Variants in EIF4G3 observed in about 807,000 individuals in gnomAD.
The protein encoded by EIF4G3 is eukaryotic translation initiation factor 4 gamma 3.
In EIF4G3, 34 loss-of-function variants were observed where a neutral mutation model predicts 186.4. The observed-to-expected ratio is 0.18, with a 90% confidence interval of 0.14 to 0.24. EIF4G3 has a LOEUF of 0.24. Ranked by LOEUF, EIF4G3 falls within the 10% of genes least tolerant of loss-of-function variation. EIF4G3 has a pLI of 1.00. For missense variants in EIF4G3, 1,536 were observed against 1,948.5 expected, an observed-to-expected ratio of 0.79 and a Z score of 3.99; for synonymous variants, 673 against 679.5, an observed-to-expected ratio of 0.99 and a Z score of 0.15.
intron 6 of EIF4G3, 81 bp from the exon 7 acceptor site, chr1:20,997,714 C>T (rs1469581966): frequency 7.2e-6 from 8 of 1,111,032 alleles, no homozygotes; most frequent in Admixed American, 3.1e-5. Flanking sequence ...AAATTTCACA[C>T]AATATGCCAA....
At chr1:21,111,305 G>A (rs1572710911) in intron 2 of EIF4G3, 2 of 471,120 alleles carry the variant, frequency 4.2e-6, no homozygotes, top group South Asian at 1.5e-5. Context: ...TCCTAGATTC[G>A]TTTGCCAGCT....
chr1:20,886,319 C>T lies in EIF4G3; in HGVS notation c.2306G>A (p.Arg769Lys). The change falls in exon 19 of 37, where the codon AGA becomes AAA. Residue 769 changes from arginine to lysine, a missense_variant. Around this residue, in one of 11 missense-constraint regions of EIF4G3, gnomAD observed 139 missense variants for 192.8 expected, o/e 0.72. Coordinates refer to ENST00000602326, the MANE Select transcript of EIF4G3 (RefSeq NM_001391906.1). ...RSQPGQRREP[R>K]KIITVSVKED... ...TTTTACAGAAACTGTGATGATCTTTCTGGGTTCTCTTCTTTGGCCAGGTTG... is the reference window on the plus strand; with the variant it reads ...TTTTACAGAAACTGTGATGATCTTTTTGGGTTCTCTTCTTTGGCCAGGTTG... 6.2e-7 allele frequency: 1 copy of T among 1,613,872 alleles called. No homozygotes were observed. Among genetic ancestry groups the T allele is most frequent in the Non-Finnish European group, 8.5e-7 (1 of 1,179,950 alleles).
intron 3 of EIF4G3, among the ~76,000 whole-genome samples, chr1:21,085,243 TAATTA>T (rs1237088472): frequency 2.6e-5 from 4 of 152,216 alleles, no homozygotes; most frequent in Non-Finnish European, 5.9e-5. Flanking sequence ...TTAAAAATAA[TAATTA>T]AATGGTGAAA....
chr1:20,963,608 G>T (rs2073945061), intron 12 of EIF4G3, among the ~76,000 whole-genome samples: 1 of 152,004 alleles, frequency 6.6e-6, no homozygotes, highest in African/African-American at 2.4e-5. Context: ...TAGAAGCAGG[G>T]GGGAAAAAGA....
At chr1:21,048,419 G>C (rs1425957325) in intron 4 of EIF4G3, among the ~76,000 whole-genome samples, 2 of 152,098 alleles carry the variant, frequency 1.3e-5, no homozygotes, top group Non-Finnish European at 2.9e-5. Context: ...GTCAGTAGAA[G>C]GCTCTAGAGA....
chr1:21,074,024 C>T (rs1557830807), intron 3 of EIF4G3, among the ~76,000 whole-genome samples: 1 of 152,072 alleles, frequency 6.6e-6, no homozygotes, highest in East Asian at 1.9e-4. Context: ...TTTTCTACCA[C>T]CATCTAGTAG....
chr1:21,169,033 T>C (rs922120054), intron 2 of EIF4G3, among the ~76,000 whole-genome samples: 1 of 150,798 alleles, frequency 6.6e-6, no homozygotes, highest in African/African-American at 2.4e-5. Context: ...TAGCTAGGTG[T>C]GGTGGCACAC....
chr1:21,176,267 T>TGCTGCCGCC lies in EIF4G3; in HGVS notation c.-373_-365dup, dbSNP rs2098105254. The TGCTGCCGCC allele has an allele frequency of 3.4e-6, 1 of 297,098 alleles. No individual in the cohort carries two copies. The highest frequency in any genetic ancestry group is 6.7e-5 in the East Asian group (1 of 14,990). The allele number at this position is 297,098 out of a possible 1,614,324, so 18.4% of individuals were successfully genotyped here. ...CCGCCGCCGCCGCCGCCGCCGCCGC[T>TGCTGCCGCC]GCTGCCGCCGCCGGGTGAGGAGGCG... On this transcript the variant is annotated 5_prime_UTR_variant, in exon 2 of 37. Transcript: ENST00000602326.
intron 30 of EIF4G3, among the ~76,000 whole-genome samples, chr1:20,840,606 A>G (rs543547164): frequency 6.6e-4 from 101 of 152,344 alleles, no homozygotes; most frequent in African/African-American, 2.2e-3. Flanking sequence ...TACCTTACTT[A>G]CATCATGATA....
chr1:20,899,444 T>C (rs746732356), intron 16 of EIF4G3, among the ~76,000 whole-genome samples: 12 of 152,210 alleles, frequency 7.9e-5, no homozygotes, highest in Non-Finnish European at 1.6e-4. Context: ...AGCATGGCAC[T>C]GTCTGATTCC....
At chr1:20,895,788 A>C (rs966693872) in intron 16 of EIF4G3, among the ~76,000 whole-genome samples, 2 of 152,218 alleles carry the variant, frequency 1.3e-5, no homozygotes, top group African/African-American at 4.8e-5. Flanking sequence ...CAAGTATAAC[A>C]CATAATATTT....
At chr1:21,156,641 C>T (rs2097666073) in intron 2 of EIF4G3, among the ~76,000 whole-genome samples, 1 of 152,154 alleles carries the variant, frequency 6.6e-6, no homozygotes, top group Non-Finnish European at 1.5e-5. Context: ...ACCCTGGAGT[C>T]AACTTTAACT....
chr1:20,875,533 A>G (rs1213559113), intron 20 of EIF4G3, among the ~76,000 whole-genome samples: 1 of 152,238 alleles, frequency 6.6e-6, no homozygotes, highest in Admixed American at 6.5e-5. Context: ...AAATTTGGCA[A>G]ATGCAACAAA....
chr1:20,957,965 G>C (rs2096478340), intron 12 of EIF4G3, among the ~76,000 whole-genome samples: 2 of 152,048 alleles, frequency 1.3e-5, no homozygotes, highest in African/African-American at 4.8e-5. Context: ...AATTCTACCA[G>C]ACATTCAAAG....
intron 4 of EIF4G3, among the ~76,000 whole-genome samples, chr1:21,040,700 A>G (rs949928491): frequency 3.9e-5 from 6 of 152,230 alleles, no homozygotes; most frequent in African/African-American, 1.4e-4. Flanking sequence ...TTGTTATTAC[A>G]GTTCTGTTAA....
chr1:21,148,970 C>T (rs969943300), intron 2 of EIF4G3, among the ~76,000 whole-genome samples: 6 of 151,808 alleles, frequency 4.0e-5, no homozygotes, highest in Middle Eastern at 3.2e-3. Flanking sequence ...GTGGCTCATG[C>T]CTGTAATCCC....
In EIF4G3 at chr1:20,942,030, C is replaced by T. The variant is rs1418723430; in HGVS notation, c.1124G>A (p.Cys375Tyr). Residue 375 changes from cysteine to tyrosine, a missense_variant, in exon 14 of 37, where the codon TGC (cysteine) becomes TAC (tyrosine). This residue lies in a region of EIF4G3 where 560 missense variants were observed against 547.8 expected (regional missense o/e 1.02). Transcript: ENST00000602326. ...DTIPIPSLTS[C>Y]TETSDPLPTN... ...TGGTAAAGGGTCTGATGTTTCTGTG[C>T]AAGATGTGAGGCTGGGTATAGGAAT... 1.2e-6 allele frequency: 2 copies of T among 1,614,062 alleles called. No homozygotes were observed. Among genetic ancestry groups the T allele is most frequent in the African/African-American group, 1.3e-5 (1 of 74,992 alleles).
At chr1:21,131,585 A>C (rs2097155872) in intron 2 of EIF4G3, among the ~76,000 whole-genome samples, 1 of 152,178 alleles carries the variant, frequency 6.6e-6, no homozygotes, top group African/African-American at 2.4e-5. Flanking sequence ...GGCAGCAAGA[A>C]GAAGAAAACA....
intron 12 of EIF4G3, among the ~76,000 whole-genome samples, chr1:20,967,933 C>G (rs1239627169): frequency 6.6e-6 from 1 of 152,128 alleles, no homozygotes; most frequent in Non-Finnish European, 1.5e-5. Context: ...TTCTTTTTAT[C>G]TGTTTCTAGA....
Sources: allele counts gnomAD v4.1 joint callset (sites outside exome capture counted in the v4.1 genomes callset), GRCh38; gene constraint gnomAD v4.1.1; regional missense constraint gnomAD v4.1.1; transcripts MANE v1.5; gene names NCBI Gene and HGNC (gene_info 2026-07-23, HGNC 2026-07-21).